Variants in CKAP5 observed in about 807,000 individuals in gnomAD.
CKAP5 encodes cytoskeleton associated protein 5.
CKAP5 carries 27 observed loss-of-function variants against 232.8 expected under a neutral mutation model. That is an observed-to-expected ratio of 0.12 (90% CI 0.09 to 0.16). CKAP5 has a LOEUF of 0.16. Among genes scored for constraint, CKAP5 ranks in the 10% least tolerant of loss-of-function variants. CKAP5 has a pLI of 1.00. For missense variants in CKAP5, 1,838 were observed against 2,424.7 expected (o/e 0.76, Z 5.08); for synonymous variants, 785 against 841.1 (o/e 0.93, Z 1.16).
intron 9 of CKAP5, among the ~76,000 whole-genome samples, chr11:46,799,500 T>C (rs1938976136): frequency 6.6e-6 from 1 of 152,184 alleles, no homozygotes; most frequent in African/African-American, 2.4e-5. Flanking sequence ...GCCAAAAAGT[T>C]TGTAAACATT....
At chr11:46,782,131 CCT>C (rs2065348474) in intron 18 of CKAP5, among the ~76,000 whole-genome samples, 1 of 151,978 alleles carries the variant, frequency 6.6e-6, no homozygotes, top group Admixed American at 6.6e-5. Flanking sequence ...GGCCTGCCTG[CCT>C]CTCTGTCTCT....
intron 2 of CKAP5, 30 bp from the exon 3 acceptor site, chr11:46,818,533 A>G: frequency 6.9e-7 from 1 of 1,454,706 alleles, no homozygotes; most frequent in Non-Finnish European, 9.2e-7. Flanking sequence ...TTGAAACAAA[A>G]CATAATTTAA....
At chr11:46,792,268 C>T (rs1019221992) in intron 13 of CKAP5, among the ~76,000 whole-genome samples, 1 of 152,020 alleles carries the variant, frequency 6.6e-6, no homozygotes, top group Admixed American at 6.6e-5. Context: ...ACAGATTTAT[C>T]GAGGCTGGGC....
intron 7 of CKAP5, among the ~76,000 whole-genome samples, chr11:46,809,025 T>C (rs7123729): frequency 0.15 from 22,591 of 152,102 alleles, 2,556 homozygotes; most frequent in African/African-American, 0.32. Flanking sequence ...CTAAACATCA[T>C]ACAATGCACA....
intron 1 of CKAP5, among the ~76,000 whole-genome samples, chr11:46,828,899 C>T (rs1939714517): frequency 6.6e-6 from 1 of 152,026 alleles, no homozygotes; most frequent in Non-Finnish European, 1.5e-5. Context: ...TATTTAGATA[C>T]AGAGTTTCAG....
In CKAP5 at chr11:46,795,746, T is replaced by C. The variant is rs1592463334; in HGVS notation, c.1498A>G (p.Ile500Val). 1 of 1,614,050 alleles carries C rather than the reference T, an allele frequency of 6.2e-7. No homozygotes were observed. Among genetic ancestry groups the C allele is most frequent in the East Asian group, 2.2e-5 (1 of 44,886 alleles). ...GCTAGTCCAGCTTTCTTACCATGTA[T>C]CAGTTCTACCTTTTCTGAACATTCT... ...IKECSEKVELIHGKKAGLAAD... is the reference protein window; with the variant it reads ...IKECSEKVELVHGKKAGLAAD... Residue 500 changes from isoleucine to valine, a missense_variant, in exon 13 of 44, where the codon ATA becomes GTA. By Grantham distance (29) the Ile-to-Val change is conservative. Around this residue, in one of 6 missense-constraint regions of CKAP5, gnomAD observed 767 missense variants for 954.6 expected, o/e 0.80. Transcript: ENST00000529230.
At chr11:46,750,674 G>A in intron 40 of CKAP5, 63 bp from the exon 41 acceptor site, 1 of 1,278,244 alleles carries the variant, frequency 7.8e-7, no homozygotes, top group Non-Finnish European at 1.1e-6. Flanking sequence ...GGAACTGATG[G>A]TTGGATATGA....
At position 46,826,902 on chromosome 11, in the gene CKAP5, G is replaced by C. The variant is rs1454310666; in HGVS notation, c.-37-5634C>G. 3 of 153,836 alleles carry C rather than the reference G, an allele frequency of 2.0e-5. No individual in the cohort carries two copies. The East Asian group carries it at 5.7e-4, about 29-fold the overall frequency. 9.5% of individuals were successfully genotyped at this position (153,836 alleles called of 1,614,324 possible). A position where few individuals can be genotyped will look rare whatever the true frequency, so the allele number is the denominator to read the frequency against. ...GCCTCCTCCGAGGGCGGGGCCCGGA[G>C]CGCCACTGTCAGAGTGCCCGCCCCA... On this transcript the variant is annotated intron_variant, in intron 1 of 43. Transcript: ENST00000529230.
chr11:46,827,903 T>C (rs1939692476), intron 1 of CKAP5, among the ~76,000 whole-genome samples: 1 of 152,238 alleles, frequency 6.6e-6, no homozygotes, highest in South Asian at 2.1e-4. Context: ...GAGTTTGTCC[T>C]GAATCCTAGT....
intron 8 of CKAP5, among the ~76,000 whole-genome samples, chr11:46,807,236 C>A (rs1290977987): frequency 6.6e-6 from 1 of 152,170 alleles, no homozygotes; most frequent in Non-Finnish European, 1.5e-5. Flanking sequence ...GATCCTAACC[C>A]TGTATTTCTC....
chr11:46,777,547 C>T lies in CKAP5; in HGVS notation c.2754G>A (p.Gln918=). The T allele has an allele frequency of 6.2e-7, 1 of 1,607,574 alleles. No individual in the cohort carries two copies. Among genetic ancestry groups the T allele is most frequent in the Non-Finnish European group, 8.5e-7 (1 of 1,174,192 alleles). ...RLNDSNKILV[Q]QTLNILQQLA... is the part of the protein sequence containing the mutation. Reference sequence around the variant, plus strand: ...GTTGTTGCAGGATATTCAGCGTTTGCTGTACCTGAGTGGAAAGAGCCAATA... The same window carrying T: ...GTTGTTGCAGGATATTCAGCGTTTGTTGTACCTGAGTGGAAAGAGCCAATA... The change falls in exon 23 of 44, where the codon CAG becomes CAA. Residue 918 remains glutamine, a synonymous_variant. Transcript: ENST00000529230.
At chr11:46,782,297 A>T (rs184931987) in intron 18 of CKAP5, among the ~76,000 whole-genome samples, 2 of 152,346 alleles carry the variant, frequency 1.3e-5, no homozygotes, top group East Asian at 3.9e-4. Context: ...CCAATATGTA[A>T]TTGTTTAATA....
intron 34 of CKAP5, 34 bp downstream of exon 34, chr11:46,759,235 A>G (rs1191624905): frequency 6.3e-7 from 1 of 1,594,356 alleles, no homozygotes; most frequent in Non-Finnish European, 8.6e-7. Flanking sequence ...ATCATCATGA[A>G]CTGCTCATAT....
intron 17 of CKAP5, 57 bp downstream of exon 17, chr11:46,784,431 A>G (rs1025191711): frequency 1.4e-6 from 2 of 1,403,860 alleles, no homozygotes; most frequent in African/African-American, 2.9e-5. Flanking sequence ...TAGTAAGCTT[A>G]AAGTTTGGGG....
intron 2 of CKAP5, chr11:46,820,624 G>A (rs1203581436): frequency 1.3e-5 from 2 of 152,066 alleles, no homozygotes; most frequent in African/African-American, 2.4e-5. Flanking sequence ...AAAAATGAAA[G>A]AAACTAGAGG....
At position 46,790,057 on chromosome 11, in the gene CKAP5, A is replaced by T; in HGVS notation, c.1875+19T>A. On this transcript the variant is annotated intron_variant, in intron 15 of 43. Transcript: ENST00000529230. ...ATAATCTAATTTTCTTTCACACTCA[A>T]TTCTTCCCTATGCACTACCTTCTGG... is the stretch of plus-strand genomic sequence containing the variant. 1 of 1,507,574 alleles carries T rather than the reference A, an allele frequency of 6.6e-7. No individual in the cohort carries two copies. 93.4% of individuals were successfully genotyped at this position (1,507,574 alleles called of 1,614,324 possible).
In CKAP5 at chr11:46,797,005, T is replaced by C. The variant is rs939516107; in HGVS notation, c.1339-65A>G. ...TATTTTAGGCATTACTCATTTTAAT[T>C]CAGACTGATGGTTGCTAGATAAAGA... On this transcript the variant is annotated intron_variant, in intron 11 of 43. Coordinates refer to ENST00000529230, the MANE Select transcript of CKAP5 (RefSeq NM_001008938.4). 9.3e-5 allele frequency: 145 copies of C among 1,554,624 alleles called. No individual in the cohort carries two copies. In the African/African-American group the frequency reaches 1.8e-3, roughly 19 times the overall value.
chr11:46,780,963 T>C (rs992087173), intron 18 of CKAP5, among the ~76,000 whole-genome samples: 33 of 152,212 alleles, frequency 2.2e-4, no homozygotes, highest in Non-Finnish European at 4.1e-4. Context: ...ATACTATCTA[T>C]AGGCTGACAA....
chr11:46,810,420 C>T (rs529663845), intron 5 of CKAP5, among the ~76,000 whole-genome samples: 1 of 152,236 alleles, frequency 6.6e-6, no homozygotes, highest in East Asian at 1.9e-4. Flanking sequence ...GGTGATCCTC[C>T]CACCTAAGCT....
Sources: gnomAD v4.1 joint callset for allele counts (sites outside exome capture counted in the v4.1 genomes callset) on GRCh38, gnomAD v4.1.1 for gene constraint, gnomAD v4.1.1 regional missense constraint, MANE v1.5 for transcripts, NCBI Gene and HGNC (gene_info 2026-07-23, HGNC 2026-07-21) for gene names.